The following DGKB variants were observed in gnomAD, a reference collection of about 807,000 sequenced individuals.
DGKB encodes diacylglycerol kinase beta.
In DGKB, 67 loss-of-function variants were observed where a neutral mutation model predicts 114.3. That is an observed-to-expected ratio of 0.59 (90% confidence interval 0.48 to 0.72). The LOEUF is 0.72. DGKB is among the 30% of genes least tolerant of loss of function. The pLI is 0.00. For missense variants in DGKB, 907 were observed against 975.2 expected, an observed-to-expected ratio of 0.93 and a Z score of 0.93; for synonymous variants, 398 against 323.1, an observed-to-expected ratio of 1.23 and a Z score of -2.49.
At chr7:14,819,866 G>T (rs1287533125) in intron 2 of DGKB, among the ~76,000 whole-genome samples, 1 of 152,022 alleles carries the variant, frequency 6.6e-6, no homozygotes, top group Non-Finnish European at 1.5e-5. Flanking sequence ...TAATAGAAGG[G>T]TCAAATAAAT....
intron 21 of DGKB, among the ~76,000 whole-genome samples, chr7:14,395,039 G>C (rs140865843): frequency 3.3e-5 from 5 of 152,142 alleles, no homozygotes; most frequent in African/African-American, 1.2e-4. Flanking sequence ...TTTGCTATTA[G>C]AGCAAATAGA....
chr7:14,288,768 T>C (rs1247643223), intron 23 of DGKB, among the ~76,000 whole-genome samples: 1 of 152,120 alleles, frequency 6.6e-6, no homozygotes, highest in Admixed American at 6.6e-5. Flanking sequence ...TCCAAATGTA[T>C]AGCAAATAGA....
intron 23 of DGKB, among the ~76,000 whole-genome samples, chr7:14,246,704 T>C (rs1794529990): frequency 6.6e-6 from 1 of 152,116 alleles, no homozygotes; most frequent in African/African-American, 2.4e-5. Context: ...ATAAATATTG[T>C]ATATATTGGA....
At chr7:14,149,891 A>G (rs1781933010) in intron 25 of DGKB, among the ~76,000 whole-genome samples, 1 of 152,168 alleles carries the variant, frequency 6.6e-6, no homozygotes, top group Non-Finnish European at 1.5e-5. Flanking sequence ...GACTGTTCTA[A>G]AGCTACTCGT....
At chr7:14,686,727 C>A (rs895656269) in intron 9 of DGKB, among the ~76,000 whole-genome samples, 1 of 152,098 alleles carries the variant, frequency 6.6e-6, no homozygotes, top group Non-Finnish European at 1.5e-5. Context: ...ACATTAGAAC[C>A]AGAAATGTCA....
intron 24 of DGKB, 119 bp downstream of exon 24, chr7:14,177,912 A>C (rs1235950992): frequency 9.5e-7 from 1 of 1,050,174 alleles, no homozygotes; most frequent in African/African-American, 1.7e-5. Flanking sequence ...TATTAGTATT[A>C]ATAACTGATT....
chr7:14,422,447 A>G (rs959100358), intron 21 of DGKB, among the ~76,000 whole-genome samples: 6 of 152,094 alleles, frequency 3.9e-5, no homozygotes, highest in Non-Finnish European at 8.8e-5. Flanking sequence ...TTAGAATCAG[A>G]AAGACTTAAA....
chr7:14,846,142 A>G (rs1312021497), intron 1 of DGKB, among the ~76,000 whole-genome samples: 1 of 151,818 alleles, frequency 6.6e-6, no homozygotes, highest in Non-Finnish European at 1.5e-5. Flanking sequence ...ATCTACCCCT[A>G]TTTGCATTTT....
chr7:14,868,941 T>A (rs192854506), intron 1 of DGKB, among the ~76,000 whole-genome samples: 3 of 152,290 alleles, frequency 2.0e-5, no homozygotes, highest in Admixed American at 2.0e-4. Flanking sequence ...GATCAAGACA[T>A]AAAACAGCTC....
At chr7:14,412,894 T>C (rs1176697804) in intron 21 of DGKB, among the ~76,000 whole-genome samples, 2 of 151,396 alleles carry the variant, frequency 1.3e-5, no homozygotes, top group Non-Finnish European at 2.9e-5. Flanking sequence ...GACAGGAGAA[T>C]CGCTTGAACC....
intron 2 of DGKB, among the ~76,000 whole-genome samples, chr7:14,779,069 T>C (rs1838675434): frequency 6.6e-6 from 1 of 151,790 alleles, no homozygotes; most frequent in African/African-American, 2.4e-5. Context: ...GTCAGGAGAA[T>C]TGCTTGAACA....
intron 1 of DGKB, among the ~76,000 whole-genome samples, chr7:14,889,095 C>G (rs1170376841): frequency 6.6e-6 from 1 of 151,642 alleles, no homozygotes; most frequent in Non-Finnish European, 1.5e-5. Flanking sequence ...CAGGTTCCAG[C>G]ATTGGCAAGA....
intron 5 of DGKB, among the ~76,000 whole-genome samples, chr7:14,728,250 A>T (rs1158081645): frequency 6.6e-6 from 1 of 152,178 alleles, no homozygotes; most frequent in Non-Finnish European, 1.5e-5. Flanking sequence ...GGACCCTTTT[A>T]TACCGTCAGC....
chr7:14,174,282 A>G (rs1183276052), intron 25 of DGKB, among the ~76,000 whole-genome samples: 3 of 152,188 alleles, frequency 2.0e-5, no homozygotes, highest in African/African-American at 7.2e-5. Context: ...GTAGAATTAG[A>G]TGAACTATTT....
At chr7:14,739,321 G>C (rs1267983810) in intron 4 of DGKB, among the ~76,000 whole-genome samples, 2 of 152,178 alleles carry the variant, frequency 1.3e-5, no homozygotes, top group Non-Finnish European at 2.9e-5. Flanking sequence ...AAATAAATCA[G>C]TGTGGGGTGG....
chr7:14,149,245 A>ATTGAATTAGCAT lies in DGKB; in HGVS notation c.2305-8_2305-7insATGCTAATTCAA. The ATTGAATTAGCAT allele has an allele frequency of 6.3e-7, 1 of 1,599,334 alleles. No individual in the cohort carries two copies. Among genetic ancestry groups the ATTGAATTAGCAT allele is most frequent in the Non-Finnish European group, 8.6e-7 (1 of 1,168,106 alleles). ...TCTTGTGTGTAATTTTTATCTAGAAAAAAAGAGAGAGAGAGAGAGAGAAAG... is the reference window on the plus strand; with the variant it reads ...TCTTGTGTGTAATTTTTATCTAGAAATTGAATTAGCATAAAAGAGAGAGAGAGAGAGAGAAAG... On this transcript the variant is annotated splice_region_variant and splice_polypyrimidine_tract_variant and intron_variant, in intron 25 of 25. Coordinates refer to ENST00000402815, the MANE Select transcript of DGKB (RefSeq NM_001350709.2).
chr7:14,811,997 C>T (rs998790965), intron 2 of DGKB, among the ~76,000 whole-genome samples: 6 of 152,136 alleles, frequency 3.9e-5, no homozygotes, highest in Non-Finnish European at 5.9e-5. Flanking sequence ...TGTGTTTCTG[C>T]GAATTTGACG....
intron 25 of DGKB, among the ~76,000 whole-genome samples, chr7:14,171,977 T>C (rs11763332): frequency 0.092 from 13,947 of 152,222 alleles, 869 homozygotes; most frequent in Admixed American, 0.19. Flanking sequence ...AATGTTGTTA[T>C]TGTTTTGATA....
chr7:14,856,795 T>C lies in DGKB; in HGVS notation c.-187-15345A>G, dbSNP rs1850215479. Among the ~76,000 whole-genome samples the C allele has an allele frequency of 2.0e-5, 3 of 152,260 alleles. No homozygotes were observed. In the South Asian group the frequency reaches 6.2e-4, roughly 32 times the overall value. On this transcript the variant is annotated intron_variant, in intron 1 of 25. Coordinates refer to ENST00000402815, the MANE Select transcript of DGKB (RefSeq NM_001350709.2). Reference sequence around the variant, plus strand: ...CTTCTCTTGGACACATTATTATGCATTGTATTACTGGGTTTTAGGGTATGC... The same window carrying C: ...CTTCTCTTGGACACATTATTATGCACTGTATTACTGGGTTTTAGGGTATGC...
Sources: gnomAD v4.1 joint callset for allele counts (sites outside exome capture counted in the v4.1 genomes callset) on GRCh38, gnomAD v4.1.1 for gene constraint, MANE v1.5 for transcripts, NCBI Gene and HGNC (gene_info 2026-07-23, HGNC 2026-07-21) for gene names.